The following ZMYM1 variants were observed in gnomAD, a reference collection of about 807,000 sequenced individuals.
ZMYM1 encodes zinc finger MYM-type protein 1.
ZMYM1 carries 39 observed loss-of-function variants against 60.0 expected under a neutral mutation model. The ratio of observed to expected loss-of-function variants is 0.65; its 90% CI spans 0.50 to 0.85. The LOEUF is 0.85. Ranked by LOEUF, ZMYM1 falls within the 40% of genes least tolerant of loss-of-function variation. The pLI is 0.00. For synonymous variants in ZMYM1, 413 were observed against 454.0 expected (o/e 0.91, Z 1.15); for missense variants, 1,171 against 1,309.5 (o/e 0.89, Z 1.63).
chr1:35,098,405 G>A (rs1320854590), intron 4 of ZMYM1, among the ~76,000 whole-genome samples: 1 of 152,158 alleles, frequency 6.6e-6, no homozygotes, highest in Non-Finnish European at 1.5e-5. Context: ...CTTAGGATAT[G>A]CTAATTTTTA....
intron 4 of ZMYM1, among the ~76,000 whole-genome samples, chr1:35,098,170 T>TA (rs775632381): frequency 2.0e-5 from 3 of 152,202 alleles, no homozygotes; most frequent in Non-Finnish European, 2.9e-5. Flanking sequence ...AGCAACCTAC[T>TA]AAAAAATTAA....
rs117125009 is a variant in ZMYM1 at position 35,062,796 on chromosome 1, G to A, written c.-301+2871G>A. Among the ~76,000 whole-genome samples, 711 of 152,350 alleles carry A rather than the reference G, an allele frequency of 4.7e-3. 1 individual carries two copies. Among genetic ancestry groups the A allele is most frequent in the East Asian group, 7.3e-3 (38 of 5,188 alleles). ...AGATAAAAGGTTTAGACAATAGGCA[G>A]AACCAGGGACCTCCCAAGATCTGTC... is the stretch of plus-strand genomic sequence containing the variant. On this transcript the variant is annotated intron_variant, in intron 1 of 10. Transcript: ENST00000417119.
In ZMYM1 at chr1:35,115,185, G is replaced by A. The variant is rs1189348027; in HGVS notation, c.3355G>A (p.Val1119Ile). The part of the protein sequence containing the change: ...PALMAVEQEL[V>I]NKLMEPERLN... ...CCTAATGGCTGTTGAGCAGGAGTTG[G>A]TAAATAAACTAATGGAGCCTGAAAG... The change falls in exon 10 of 10, where the codon GTA becomes ATA. Residue 1119 changes from valine (V) to isoleucine (I), a missense_variant. Physicochemically the swap from Val to Ile is conservative, Grantham distance 29. Coordinates refer to ENST00000359858, the MANE Select transcript of ZMYM1 (RefSeq NM_024772.5). 1.9e-6 allele frequency: 3 copies of A among 1,613,022 alleles called. No individual in the cohort carries two copies. The highest frequency in any genetic ancestry group is 2.5e-6 in the Non-Finnish European group (3 of 1,179,752).
intron 4 of ZMYM1, among the ~76,000 whole-genome samples, chr1:35,098,282 A>G (rs573023770): frequency 6.6e-6 from 1 of 152,312 alleles, no homozygotes; most frequent in African/African-American, 2.4e-5. Context: ...ATGGCCATAG[A>G]TAAACCTACA....
At chr1:35,080,316 T>TC (rs1439707960) in intron 1 of ZMYM1, among the ~76,000 whole-genome samples, 2 of 140,420 alleles carry the variant, frequency 1.4e-5, no homozygotes, top group Non-Finnish European at 3.0e-5. Context: ...TTGTGCTTCT[T>TC]TTTTTTTTTT....
intron 1 of ZMYM1, among the ~76,000 whole-genome samples, chr1:35,071,455 C>T (rs192384883): frequency 3.0e-4 from 45 of 152,184 alleles, no homozygotes; most frequent in Non-Finnish European, 5.0e-4. Flanking sequence ...ACCTCAGCCT[C>T]CTGAGTTGTT....
intron 6 of ZMYM1, among the ~76,000 whole-genome samples, chr1:35,108,439 C>T (rs1643968158): frequency 6.6e-6 from 1 of 151,864 alleles, no homozygotes; most frequent in African/African-American, 2.4e-5. Flanking sequence ...GCAACCTCCG[C>T]CTCCCAGGTT....
intron 1 of ZMYM1, 40 bp from the exon 2 acceptor site, chr1:35,093,874 T>A: frequency 1.4e-6 from 1 of 717,884 alleles, no homozygotes; most frequent in Non-Finnish European, 2.2e-6. Flanking sequence ...TTAAAAGGAC[T>A]AATTTTAAAA....
intron 1 of ZMYM1, among the ~76,000 whole-genome samples, chr1:35,088,454 A>ATATATATATATATATATATG (rs1464546786): frequency 9.3e-6 from 1 of 107,248 alleles, no homozygotes; most frequent in African/African-American, 4.3e-5. Context: ...ATATATATAT[A>ATATATATATATATATATATG]TGTGTGTGTG....
At chr1:35,117,919 A>C (rs574562492), downstream of ZMYM1, among the ~76,000 whole-genome samples, 15 of 151,088 alleles carry the variant, frequency 9.9e-5, no homozygotes, top group Admixed American at 8.6e-4. Flanking sequence ...TAGTCTGGGC[A>C]ACAAGAGAGA....
intron 6 of ZMYM1, among the ~76,000 whole-genome samples, chr1:35,105,672 C>T (rs140386177): frequency 2.0e-5 from 3 of 152,226 alleles, no homozygotes; most frequent in Non-Finnish European, 4.4e-5. Context: ...CAGTGGCAAT[C>T]ATGGCTCACT....
chr1:35,095,688 T>C, intron 2 of ZMYM1, 131 bp from the exon 3 acceptor site: 2 of 657,610 alleles, frequency 3.0e-6, no homozygotes, highest in Non-Finnish European at 5.1e-6. Flanking sequence ...TACCTGTGTA[T>C]TTTGGTTCAA....
downstream of ZMYM1, among the ~76,000 whole-genome samples, chr1:35,118,568 G>A (rs1029672780): frequency 1.3e-5 from 2 of 151,996 alleles, no homozygotes; most frequent in Admixed American, 6.6e-5. Flanking sequence ...TTAGCCAGGC[G>A]CAGTGGTGGG....
At chr1:35,079,183 G>C (rs557784788), upstream of ZMYM1, 1 of 152,368 alleles carries the variant, frequency 6.6e-6, no homozygotes, top group South Asian at 2.1e-4. Context: ...TGAGTCAAGG[G>C]TCCTACTTTG....
At chr1:35,094,471 T>A (rs951226914) in intron 2 of ZMYM1, among the ~76,000 whole-genome samples, 12 of 152,084 alleles carry the variant, frequency 7.9e-5, no homozygotes, top group East Asian at 3.8e-4. Flanking sequence ...TTAAAAAAAA[T>A]TTTTTTAGAC....
At chr1:35,095,918 GT>G (rs1643288732) in intron 3 of ZMYM1, 27 bp downstream of exon 3, 1 of 1,490,784 alleles carries the variant, frequency 6.7e-7, no homozygotes, top group Non-Finnish European at 9.3e-7. Flanking sequence ...AGTTAGTTAT[GT>G]TTATTCAGAC....
At chr1:35,062,673 A>T (rs1641897328) in intron 1 of ZMYM1, among the ~76,000 whole-genome samples, 2 of 152,236 alleles carry the variant, frequency 1.3e-5, no homozygotes, top group Non-Finnish European at 2.9e-5. Context: ...CATCTAAATT[A>T]TTGGTTATAG....
chr1:35,094,064 CAG>C lies in ZMYM1; in HGVS notation c.79_80del (p.Glu27ThrfsTer10). 6.2e-7 allele frequency: 1 copy of C among 1,609,890 alleles called. No homozygotes were observed. The highest frequency in any genetic ancestry group is 8.5e-7 in the Non-Finnish European group (1 of 1,177,828). ...CTGGGGCTGCTAGATGAAATTAAGA[CAG>C]AACCCGACAATGCTCAAGTAAATAT... On this transcript the variant is annotated frameshift_variant, in exon 2 of 10. Coordinates refer to ENST00000359858, the MANE Select transcript of ZMYM1 (RefSeq NM_024772.5). LOFTEE classifies it high-confidence loss of function.
rs1643399049 is a variant in ZMYM1 at position 35,097,546 on chromosome 1, A to T, written c.399A>T (p.Arg133Ser). The T allele has an allele frequency of 6.2e-7, 1 of 1,614,200 alleles. No individual in the cohort carries two copies. The highest frequency in any genetic ancestry group is 2.2e-5 in the East Asian group (1 of 44,874). Reference protein sequence around the residue: ...SSASSPVPSKRTCSNCSKDIL... With the variant: ...SSASSPVPSKSTCSNCSKDIL... ...CCAGTTCACCAGTTCCTTCTAAGAG[A>T]ACTTGTTCAAACTGCTCAAAGTATA... The change falls in exon 4 of 10, where the codon AGA (arginine) becomes AGT (serine). Residue 133 changes from arginine to serine, a missense_variant. Coordinates refer to ENST00000359858, the MANE Select transcript of ZMYM1 (RefSeq NM_024772.5).
Sources: gnomAD v4.1 joint callset for allele counts (sites outside exome capture counted in the v4.1 genomes callset) on GRCh38, gnomAD v4.1.1 for gene constraint, MANE v1.5 for transcripts, NCBI Gene and HGNC (gene_info 2026-07-23, HGNC 2026-07-21) for gene names.